ABCB5: variants seen among roughly 807,000 people sequenced by gnomAD.
ABCB5 encodes the protein ATP binding cassette subfamily B member 5, also known as ATP-binding cassette sub-family B member 5.
A neutral mutation model predicts 144.2 loss-of-function variants in ABCB5; 155 were observed. That is an observed-to-expected ratio of 1.08 (90% CI 0.94 to 1.23). The LOEUF is 1.23. ABCB5 is among the 50% of genes most tolerant of loss of function. The pLI is 0.00. For synonymous variants in ABCB5, 610 were observed against 528.6 expected, an observed-to-expected ratio of 1.15 and a Z score of -2.11; for missense variants, 1,830 against 1,520.8, an observed-to-expected ratio of 1.20 and a Z score of -3.38.
intron 20 of ABCB5, among the ~76,000 whole-genome samples, chr7:20,720,467 G>C (rs1781823015): frequency 6.6e-6 from 1 of 152,130 alleles, no homozygotes; most frequent in South Asian, 2.1e-4. Flanking sequence ...ACAATGCCTG[G>C]AATGGGACCA....
At chr7:20,693,032 C>T (rs775527338) in intron 16 of ABCB5, among the ~76,000 whole-genome samples, 57 of 152,110 alleles carry the variant, frequency 3.7e-4, no homozygotes, top group Non-Finnish European at 8.8e-5. Context: ...ACCTAATAAA[C>T]ATTTGTAGAA....
intron 24 of ABCB5, among the ~76,000 whole-genome samples, chr7:20,741,114 A>T (rs1196222910): frequency 6.6e-6 from 1 of 151,892 alleles, no homozygotes; most frequent in African/African-American, 2.4e-5. Context: ...AAAAAAAAAA[A>T]AAAAAATTAA....
intron 3 of ABCB5, among the ~76,000 whole-genome samples, chr7:20,627,417 T>C (rs1217645739): frequency 6.6e-6 from 1 of 152,058 alleles, no homozygotes; most frequent in Non-Finnish European, 1.5e-5. Flanking sequence ...AATGGAAAAA[T>C]AATATTTTGG....
chr7:20,661,473 G>C (rs956992186), intron 14 of ABCB5, among the ~76,000 whole-genome samples: 8 of 151,894 alleles, frequency 5.3e-5, no homozygotes, highest in African/African-American at 1.9e-4. Flanking sequence ...GATGGACTTC[G>C]ATGAGTGTGA....
intron 5 of ABCB5, among the ~76,000 whole-genome samples, chr7:20,633,234 T>C (rs1784077183): frequency 6.6e-6 from 1 of 152,084 alleles, no homozygotes; most frequent in Non-Finnish European, 1.5e-5. Context: ...TTCTGTTTTG[T>C]AATTTTAGGT....
intron 2 of ABCB5, among the ~76,000 whole-genome samples, chr7:20,624,481 A>G (rs372938587): frequency 2.6e-5 from 4 of 152,214 alleles, no homozygotes; most frequent in African/African-American, 9.6e-5. Flanking sequence ...TCGCACAGAA[A>G]ATTAGAATGG....
chr7:20,692,304 A>T (rs1469695827), intron 16 of ABCB5, among the ~76,000 whole-genome samples: 2 of 152,130 alleles, frequency 1.3e-5, no homozygotes, highest in Non-Finnish European at 2.9e-5. Flanking sequence ...CATCAGAAAC[A>T]ATGCAAACAA....
chr7:20,698,056 A>G (rs1051388792), intron 16 of ABCB5, among the ~76,000 whole-genome samples: 1 of 152,146 alleles, frequency 6.6e-6, no homozygotes, highest in African/African-American at 2.4e-5. Context: ...ATCCTGTAGT[A>G]CAATATTCCA....
At chr7:20,726,241 G>C (rs1464414353) in intron 21 of ABCB5, among the ~76,000 whole-genome samples, 3 of 151,294 alleles carry the variant, frequency 2.0e-5, no homozygotes, top group Non-Finnish European at 2.9e-5. Flanking sequence ...ATCTCATAAA[G>C]AATTTTATAA....
At position 20,723,207 on chromosome 7, in the gene ABCB5, G is replaced by A. The variant is rs1330372482; in HGVS notation, c.2613G>A (p.Lys871=). The change falls in exon 21 of 28, where the codon AAG becomes AAA. Residue 871 remains lysine, a synonymous_variant. Transcript: ENST00000404938. ...CCAACAAAGATAAGCAAGAACTTAA[G>A]CATGCTGGAAAGGTAAAATGAAGAC... ...GFANKDKQEL[K]HAGKIATEAL... The A allele has an allele frequency of 6.2e-7, 1 of 1,613,918 alleles. No homozygotes were observed. Among genetic ancestry groups the A allele is most frequent in the Non-Finnish European group, 8.5e-7 (1 of 1,180,008 alleles).
intron 23 of ABCB5, among the ~76,000 whole-genome samples, chr7:20,731,364 A>AT (rs1241401888): frequency 0.013 from 1,174 of 91,606 alleles, 12 homozygotes; most frequent in African/African-American, 0.048. Context: ...GGAAAAAAAA[A>AT]AAAAAATATA....
intron 20 of ABCB5, among the ~76,000 whole-genome samples, chr7:20,715,726 CT>C (rs374393822): frequency 0.019 from 2,602 of 138,542 alleles, 64 homozygotes; most frequent in African/African-American, 0.057. Context: ...GAGCTATAAT[CT>C]TTTTTTTTTT....
At chr7:20,670,491 C>T (rs1391313813) in intron 14 of ABCB5, among the ~76,000 whole-genome samples, 1 of 152,022 alleles carries the variant, frequency 6.6e-6, no homozygotes, top group Non-Finnish European at 1.5e-5. Context: ...TGAGTGGGAA[C>T]TCAGTGTTTA....
At position 20,672,015 on chromosome 7, in the gene ABCB5, T is replaced by C. The variant is rs1583415043; in HGVS notation, c.1708-9490T>C. Among the ~76,000 whole-genome samples, 3 of 152,246 alleles carry C rather than the reference T, an allele frequency of 2.0e-5. No individual in the cohort carries two copies. In the South Asian group the frequency reaches 6.2e-4, roughly 31 times the overall value. On this transcript the variant is annotated intron_variant, in intron 14 of 27. Transcript: ENST00000404938. ...AATTTCAGCCATCTGAAGAAATGTA[T>C]AGTAGTATCCCATTGTCATTTTAAT...
chr7:20,669,389 ATTC>A (rs1319941341), intron 14 of ABCB5, among the ~76,000 whole-genome samples: 1 of 144,782 alleles, frequency 6.9e-6, no homozygotes, highest in Non-Finnish European at 1.5e-5. Flanking sequence ...ACTAAGAAAA[ATTC>A]TTCTGCCTTG....
At chr7:20,740,413 G>A (rs1239169304) in intron 24 of ABCB5, among the ~76,000 whole-genome samples, 1 of 152,084 alleles carries the variant, frequency 6.6e-6, no homozygotes, top group Non-Finnish European at 1.5e-5. Flanking sequence ...AGATTTATAT[G>A]TATGACAGCT....
Position 20,743,034 on chromosome 7 carries a change from A to T in ABCB5, c.3182A>T (p.Gln1061Leu). ...SSGCGKSTSV[Q>L]LLQRLYDPVQ... is the part of the protein sequence containing the mutation. ...GGCTGTGGGAAAAGCACTTCTGTTC[A>T]ACTTCTGCAGAGACTTTATGACCCC... Residue 1061 changes from glutamine (Q) to leucine (L), a missense_variant, in exon 25 of 28, where the codon CAA (glutamine) becomes CTA (leucine). Coordinates refer to ENST00000404938, the MANE Select transcript of ABCB5 (RefSeq NM_001163941.2). 2 of 1,614,130 alleles carry T rather than the reference A, an allele frequency of 1.2e-6. No individual in the cohort carries two copies. The highest frequency in any genetic ancestry group is 4.5e-5 in the East Asian group (2 of 44,884).
chr7:20,733,679 C>T (rs1286016928), intron 23 of ABCB5, among the ~76,000 whole-genome samples: 1 of 151,362 alleles, frequency 6.6e-6, no homozygotes, highest in Non-Finnish European at 1.5e-5. Context: ...CGCTCTGTCG[C>T]CCATGCTGGA....
rs78084447 is a variant in ABCB5 at position 20,708,534 on chromosome 7, A to C, written c.2421+3727A>C. Among the ~76,000 whole-genome samples, 814 of 152,242 alleles carry C rather than the reference A, an allele frequency of 5.3e-3. 11 individuals are homozygous for C. Among genetic ancestry groups the C allele is most frequent in the African/African-American group, 0.018 (764 of 41,528 alleles). On this transcript the variant is annotated intron_variant, in intron 20 of 27. Coordinates refer to ENST00000404938, the MANE Select transcript of ABCB5 (RefSeq NM_001163941.2). Reference sequence around the variant, plus strand: ...AAATTGTTTTTCAATCTTGGCCTTGAATTCATAATATTGCAAAAAACTTTA... The same window carrying C: ...AAATTGTTTTTCAATCTTGGCCTTGCATTCATAATATTGCAAAAAACTTTA...
Sources: allele counts gnomAD v4.1 joint callset (sites outside exome capture counted in the v4.1 genomes callset), GRCh38; gene constraint gnomAD v4.1.1; transcripts MANE v1.5; gene names NCBI Gene and HGNC (gene_info 2026-07-23, HGNC 2026-07-21).